The following CNTN4 variants were observed in gnomAD, a reference collection of about 807,000 sequenced individuals.
CNTN4 encodes the protein contactin-4.
A neutral mutation model predicts 122.5 loss-of-function variants in CNTN4; 77 were observed. The observed-to-expected ratio is 0.63, with a 90% confidence interval of 0.52 to 0.76. The LOEUF (loss-of-function observed/expected upper bound fraction) is 0.76. Among genes scored for constraint, CNTN4 ranks in the 30% least tolerant of loss-of-function variants. The probability of loss-of-function intolerance (pLI) is 0.00; values close to 1 mark genes in which losing one functional copy is unlikely to be tolerated. For missense variants in CNTN4, 1,256 were observed against 1,259.1 expected (o/e 1.00, Z 0.04); for synonymous variants, 512 against 447.0 (o/e 1.15, Z -1.83).
chr3:2,679,520 G>A (rs545586362), intron 4 of CNTN4, among the ~76,000 whole-genome samples: 20 of 152,246 alleles, frequency 1.3e-4, no homozygotes, highest in African/African-American at 4.1e-4. Context: ...GATGACATTC[G>A]ATCCTAAAAA....
rs377037890 is a variant in CNTN4, at chr3:2,689,163, G to A, written c.56-47052G>A. ...CATCCAGTTCTTGCCAGGTTGCTAC[G>A]GAAGTTGCTTTGCTATTCTTATGGG... On this transcript the variant is annotated intron_variant, in intron 4 of 24. Transcript: ENST00000418658. Among the ~76,000 whole-genome samples the A allele has an allele frequency of 2.0e-5, 3 of 152,238 alleles. No homozygotes were observed. In the South Asian group the frequency reaches 6.2e-4, roughly 32 times the overall value.
chr3:2,671,734 G>T (rs2084526513), intron 4 of CNTN4, among the ~76,000 whole-genome samples: 1 of 152,088 alleles, frequency 6.6e-6, no homozygotes, highest in Admixed American at 6.5e-5. Flanking sequence ...GTCTACCTTT[G>T]GTCTTTGATG....
At chr3:2,523,878 C>T (rs1241646065) in intron 3 of CNTN4, among the ~76,000 whole-genome samples, 2 of 152,038 alleles carry the variant, frequency 1.3e-5, no homozygotes, top group African/African-American at 4.8e-5. Context: ...AACTACCCAT[C>T]ATTTGAAATT....
intron 10 of CNTN4, among the ~76,000 whole-genome samples, chr3:2,888,116 A>G (rs1243925799): frequency 2.0e-5 from 3 of 152,210 alleles, no homozygotes; most frequent in Admixed American, 2.0e-4. Flanking sequence ...TGATCCCACA[A>G]AAGTCTATTT....
At chr3:2,818,964 A>T (rs1368651246) in intron 6 of CNTN4, among the ~76,000 whole-genome samples, 1 of 152,246 alleles carries the variant, frequency 6.6e-6, no homozygotes, top group Admixed American at 6.5e-5. Flanking sequence ...ATAATTATAT[A>T]TGATAGAATG....
intron 2 of CNTN4, among the ~76,000 whole-genome samples, chr3:2,296,599 C>A (rs1463335983): frequency 1.3e-5 from 2 of 152,014 alleles, no homozygotes; most frequent in Non-Finnish European, 2.9e-5. Context: ...TGATTTGTCT[C>A]AGGGTGCGTA....
At chr3:2,928,859 C>T (rs578183144) in intron 13 of CNTN4, among the ~76,000 whole-genome samples, 1 of 152,168 alleles carries the variant, frequency 6.6e-6, no homozygotes, top group Admixed American at 6.5e-5. Context: ...GGTTTTGTCT[C>T]ATCTAACCAT....
chr3:2,174,090 TA>T (rs2036636081), intron 2 of CNTN4, among the ~76,000 whole-genome samples: 1 of 151,988 alleles, frequency 6.6e-6, no homozygotes, highest in Non-Finnish European at 1.5e-5. Flanking sequence ...GTTTGGTGAG[TA>T]GTTGAATAAG....
rs1559326346 is a variant in CNTN4, at chr3:2,630,733, C to CGTG, written c.55+59175_55+59176insGTG. Among the ~76,000 whole-genome samples the CGTG allele has an allele frequency of 7.2e-3, 409 of 57,008 alleles. 3 individuals are homozygous for CGTG. The East Asian group carries it at 0.1, about 15-fold the overall frequency. 37.4% of individuals were successfully genotyped at this position (57,008 alleles called of 152,430 possible). ...GTGTGTGTGTGTGTGTGTGTGTGTACTATATGTTTAATAAAATCTTAGGAA... is the reference window on the plus strand; with the variant it reads ...GTGTGTGTGTGTGTGTGTGTGTGTACGTGTATATGTTTAATAAAATCTTAGGAA... On this transcript the variant is annotated intron_variant, in intron 4 of 24. Transcript: ENST00000418658.
intron 2 of CNTN4, among the ~76,000 whole-genome samples, chr3:2,185,307 C>G (rs2037199534): frequency 6.6e-6 from 1 of 152,170 alleles, no homozygotes; most frequent in Admixed American, 6.5e-5. Flanking sequence ...TTCCTCTGAC[C>G]TTTGCAGGAA....
chr3:2,812,694 T>C (rs192538873), intron 6 of CNTN4, among the ~76,000 whole-genome samples: 2 of 152,320 alleles, frequency 1.3e-5, no homozygotes, highest in East Asian at 1.9e-4. Flanking sequence ...AAAGTCATAC[T>C]GATAGTGCTA....
chr3:2,437,395 T>C (rs1370809556), intron 3 of CNTN4, among the ~76,000 whole-genome samples: 1 of 152,184 alleles, frequency 6.6e-6, no homozygotes, highest in Non-Finnish European at 1.5e-5. Flanking sequence ...TCTTGCCATG[T>C]GATGAATGAC....
At chr3:2,807,888 C>T in intron 6 of CNTN4, among the ~76,000 whole-genome samples, 1 of 152,248 alleles carries the variant, frequency 6.6e-6, no homozygotes, top group African/African-American at 2.4e-5. Flanking sequence ...TCCTCCCAAG[C>T]TTCTTGGAGG....
At chr3:2,627,871 A>G (rs1350070510) in intron 4 of CNTN4, among the ~76,000 whole-genome samples, 2 of 152,352 alleles carry the variant, frequency 1.3e-5, no homozygotes, top group Middle Eastern at 6.8e-3. Flanking sequence ...TAATTAACAG[A>G]TTAACATTTA....
intron 7 of CNTN4, among the ~76,000 whole-genome samples, chr3:2,860,937 A>T (rs1577078541): frequency 6.6e-6 from 1 of 152,210 alleles, no homozygotes; most frequent in Middle Eastern, 3.4e-3. Flanking sequence ...TATAATTCTT[A>T]CTTTCTCAGG....
At chr3:2,280,151 G>C (rs1028416257) in intron 2 of CNTN4, among the ~76,000 whole-genome samples, 1 of 151,852 alleles carries the variant, frequency 6.6e-6, no homozygotes, top group African/African-American at 2.4e-5. Flanking sequence ...ATAGAGACAG[G>C]GTTTTCTCAT....
chr3:2,311,322 A>G (rs2042906330), intron 2 of CNTN4, among the ~76,000 whole-genome samples: 1 of 152,062 alleles, frequency 6.6e-6, no homozygotes, highest in Non-Finnish European at 1.5e-5. Context: ...CGTCAACCCT[A>G]GAATAGTACC....
intron 4 of CNTN4, among the ~76,000 whole-genome samples, chr3:2,633,389 C>T (rs1455640941): frequency 1.3e-5 from 2 of 152,134 alleles, no homozygotes; most frequent in African/African-American, 2.4e-5. Flanking sequence ...TGCTATGCGT[C>T]CAAATTCTGC....
intron 2 of CNTN4, among the ~76,000 whole-genome samples, chr3:2,175,015 G>C (rs911605946): frequency 2.6e-5 from 4 of 152,158 alleles, no homozygotes; most frequent in East Asian, 1.9e-4. Flanking sequence ...CATGAGATTT[G>C]GGTGGGGTCA....
Sources: allele counts gnomAD v4.1 joint callset (sites outside exome capture counted in the v4.1 genomes callset), GRCh38; gene constraint gnomAD v4.1.1; transcripts MANE v1.5; gene names NCBI Gene and HGNC (gene_info 2026-07-23, HGNC 2026-07-21).